Variants in SHROOM3 observed in about 807,000 individuals in gnomAD.
SHROOM3 encodes the protein protein Shroom3.
In SHROOM3, 47 loss-of-function variants were observed where a neutral mutation model predicts 138.6. The observed-to-expected ratio is 0.34, with a 90% CI of 0.27 to 0.43. SHROOM3 has a LOEUF of 0.43. SHROOM3 is among the 20% of genes least tolerant of loss of function. SHROOM3 has a pLI of 1.00. For synonymous variants in SHROOM3, 1,062 were observed against 1,063.3 expected (o/e 1.00, Z 0.02); for missense variants, 2,491 against 2,596.5 (o/e 0.96, Z 0.88).
rs145009838 is a variant in SHROOM3, at chr4:76,511,829, G to A, written c.169-43780G>A. On this transcript the variant is annotated intron_variant, in intron 1 of 10. Coordinates refer to ENST00000296043, the MANE Select transcript of SHROOM3 (RefSeq NM_020859.4). ...GGAGCTGATCACTCCTGGCCAGGTG[G>A]GGCTGGAAAAGGATGGTGAGAAAGT... Among the ~76,000 whole-genome samples, 865 of 152,264 alleles carry A rather than the reference G, an allele frequency of 5.7e-3. 9 individuals are homozygous for A. The highest frequency in any genetic ancestry group is 0.02 in the African/African-American group (826 of 41,550).
intron 1 of SHROOM3, among the ~76,000 whole-genome samples, chr4:76,461,955 C>A (rs918748730): frequency 2.0e-5 from 3 of 152,174 alleles, no homozygotes; most frequent in African/African-American, 7.2e-5. Context: ...TGGCATTAAT[C>A]TTGACAGTTC....
intron 1 of SHROOM3, among the ~76,000 whole-genome samples, chr4:76,453,151 C>T (rs1730959918): frequency 6.6e-6 from 1 of 152,186 alleles, no homozygotes; most frequent in South Asian, 2.1e-4. Flanking sequence ...TTTATAAAGA[C>T]CTACCTTACT....
rs201317217 is a variant in SHROOM3, at chr4:76,700,760, TTTTC to T, written c.324-9380_324-9377del. On this transcript the variant is annotated intron_variant, in intron 2 of 10. Transcript: ENST00000296043. ...GGTTTCAGCATGAAATATCTTTTTTTTTTCTTTCTTTCTTTCTTTTATTTATTTA... is the reference window on the plus strand; with the variant it reads ...GGTTTCAGCATGAAATATCTTTTTTTTTTCTTTCTTTCTTTTATTTATTTA... Among the ~76,000 whole-genome samples the T allele has an allele frequency of 6.4e-3, 971 of 151,896 alleles. 7 individuals carry two copies. The highest frequency in any genetic ancestry group is 0.022 in the African/African-American group (919 of 41,422).
At chr4:76,752,200 C>T (rs1434398681) in intron 6 of SHROOM3, among the ~76,000 whole-genome samples, 2 of 152,112 alleles carry the variant, frequency 1.3e-5, no homozygotes, top group Non-Finnish European at 2.9e-5. Flanking sequence ...ATAAGCCAGT[C>T]ACAAAAAGAC....
intron 2 of SHROOM3, chr4:76,645,404 C>A (rs1165596926): frequency 2.0e-5 from 3 of 152,196 alleles, no homozygotes; most frequent in Admixed American, 2.0e-4. Context: ...CTGATGGACG[C>A]CATGAGTGGA....
At chr4:76,533,521 A>G (rs752404530) in intron 1 of SHROOM3, among the ~76,000 whole-genome samples, 1 of 152,200 alleles carries the variant, frequency 6.6e-6, no homozygotes, top group Non-Finnish European at 1.5e-5. Context: ...GTAGCTCAGC[A>G]TCTTGGCAAT....
chr4:76,466,933 C>A (rs1014781659), intron 1 of SHROOM3, among the ~76,000 whole-genome samples: 3 of 152,050 alleles, frequency 2.0e-5, no homozygotes, highest in African/African-American at 7.2e-5. Context: ...TGCTTCTCTG[C>A]TGGGGGAGTA....
intron 1 of SHROOM3, among the ~76,000 whole-genome samples, chr4:76,552,083 G>C (rs570360159): frequency 1.1e-4 from 17 of 149,886 alleles, no homozygotes; most frequent in Admixed American, 4.0e-4. Flanking sequence ...GGATGGACTC[G>C]ATCTCCTGAC....
intron 5 of SHROOM3, among the ~76,000 whole-genome samples, chr4:76,748,046 G>GTACT (rs756638272): frequency 6.6e-6 from 1 of 152,172 alleles, no homozygotes; most frequent in Non-Finnish European, 1.5e-5. Flanking sequence ...TTGGTGCAAG[G>GTACT]TACTTAGCAG....
At chr4:76,669,345 A>T (rs1279548282) in intron 2 of SHROOM3, among the ~76,000 whole-genome samples, 2 of 152,076 alleles carry the variant, frequency 1.3e-5, no homozygotes, top group African/African-American at 4.8e-5. Flanking sequence ...CTATGGCTGG[A>T]CTCAGTGGCT....
intron 2 of SHROOM3, among the ~76,000 whole-genome samples, chr4:76,661,487 C>T (rs1326106394): frequency 6.6e-6 from 1 of 152,030 alleles, no homozygotes; most frequent in Non-Finnish European, 1.5e-5. Context: ...ACCTCGGCCT[C>T]CCAAAGCGCT....
intron 1 of SHROOM3, among the ~76,000 whole-genome samples, chr4:76,549,346 G>C (rs1280913914): frequency 6.6e-6 from 1 of 151,542 alleles, no homozygotes; most frequent in Non-Finnish European, 1.5e-5. Context: ...TCACAGCCTT[G>C]TTCTAGCCAA....
At chr4:76,533,879 C>T (rs10012630) in intron 1 of SHROOM3, among the ~76,000 whole-genome samples, 2 of 152,010 alleles carry the variant, frequency 1.3e-5, no homozygotes, top group Non-Finnish European at 2.9e-5. Flanking sequence ...TCCCGTGTCT[C>T]GAGTAGTGTC....
chr4:76,547,717 G>T (rs533908722), intron 1 of SHROOM3, among the ~76,000 whole-genome samples: 10 of 152,234 alleles, frequency 6.6e-5, no homozygotes, highest in African/African-American at 2.4e-4. Flanking sequence ...ATCACTTGAG[G>T]TCAGAAGTTC....
At chr4:76,442,601 G>C (rs373216418) in intron 1 of SHROOM3, among the ~76,000 whole-genome samples, 5 of 151,960 alleles carry the variant, frequency 3.3e-5, no homozygotes, top group African/African-American at 1.2e-4. Context: ...AGTAGAGATA[G>C]GGTTTCACCG....
intron 1 of SHROOM3, among the ~76,000 whole-genome samples, chr4:76,530,297 T>C (rs1397682802): frequency 6.6e-6 from 1 of 152,228 alleles, no homozygotes; most frequent in African/African-American, 2.4e-5. Context: ...TGTATACTTT[T>C]AGGGCATGGT....
intron 1 of SHROOM3, among the ~76,000 whole-genome samples, chr4:76,496,397 G>A (rs777891854): frequency 3.3e-5 from 5 of 152,210 alleles, no homozygotes; most frequent in Non-Finnish European, 7.3e-5. Context: ...CCTAATGAAG[G>A]CAGTGGGCAA....
At chr4:76,475,607 C>A (rs1731469186) in intron 1 of SHROOM3, among the ~76,000 whole-genome samples, 2 of 152,266 alleles carry the variant, frequency 1.3e-5, no homozygotes, top group African/African-American at 4.8e-5. Context: ...ATAAAATATT[C>A]AATGCAGAAG....
At chr4:76,473,930 A>G (rs1287802141) in intron 1 of SHROOM3, among the ~76,000 whole-genome samples, 1 of 152,240 alleles carries the variant, frequency 6.6e-6, no homozygotes, top group African/African-American at 2.4e-5. Flanking sequence ...AGTTAAACAT[A>G]GAATTACCAT....
Sources: gnomAD v4.1 joint callset for allele counts (sites outside exome capture counted in the v4.1 genomes callset) on GRCh38, gnomAD v4.1.1 for gene constraint, MANE v1.5 for transcripts, NCBI Gene and HGNC (gene_info 2026-07-23, HGNC 2026-07-21) for gene names.